ATP11B: variants seen among roughly 807,000 people sequenced by gnomAD.
ATP11B encodes phospholipid-transporting ATPase IF.
A neutral mutation model predicts 157.8 loss-of-function variants in ATP11B; 81 were observed. The observed-to-expected ratio is 0.51, with a 90% CI of 0.43 to 0.62. ATP11B has a LOEUF of 0.62. ATP11B is among the 20% of genes least tolerant of loss of function. ATP11B has a pLI of 0.00. For missense variants in ATP11B, 1,165 were observed against 1,402.2 expected (o/e 0.83, Z 2.70); for synonymous variants, 451 against 469.4 (o/e 0.96, Z 0.51).
intron 1 of ATP11B, among the ~76,000 whole-genome samples, chr3:182,805,501 C>T (rs1246701434): frequency 1.3e-5 from 2 of 151,278 alleles, no homozygotes; most frequent in Non-Finnish European, 2.9e-5. Flanking sequence ...GTTGCCCAGG[C>T]TGGAATGCAA....
chr3:182,829,809 AT>A, intron 4 of ATP11B, 57 bp downstream of exon 4: 1 of 1,444,964 alleles, frequency 6.9e-7, no homozygotes. Context: ...GTTGCTAAAT[AT>A]TTCCACTCCA....
intron 8 of ATP11B, chr3:182,844,571 C>T (rs1719316489): frequency 1.0e-6 from 1 of 984,574 alleles, no homozygotes. Context: ...GCAAGAAGAC[C>T]TGTGCTTCAA....
intron 10 of ATP11B, among the ~76,000 whole-genome samples, chr3:182,856,129 TA>T (rs1439015778): frequency 6.6e-6 from 1 of 152,198 alleles, no homozygotes; most frequent in African/African-American, 2.4e-5. Flanking sequence ...GGAAACAGCC[TA>T]ATGTCCTAGA....
intron 14 of ATP11B, among the ~76,000 whole-genome samples, chr3:182,867,135 G>A (rs1435966171): frequency 1.3e-5 from 2 of 151,516 alleles, no homozygotes; most frequent in Non-Finnish European, 2.9e-5. Context: ...CGCCATGTTA[G>A]CCAGACTGGT....
chr3:182,916,757 T>C (rs1725167698), intron 29 of ATP11B: 1 of 984,860 alleles, frequency 1.0e-6, no homozygotes, highest in African/African-American at 1.7e-5. Flanking sequence ...CTAATAAGAT[T>C]ATTCTGTGTA....
chr3:182,818,440 T>G (rs1310260958), intron 1 of ATP11B, among the ~76,000 whole-genome samples: 1 of 152,218 alleles, frequency 6.6e-6, no homozygotes, highest in African/African-American at 2.4e-5. Context: ...AGACACATAA[T>G]GCTACATTCA....
intron 10 of ATP11B, among the ~76,000 whole-genome samples, chr3:182,850,050 T>C (rs1020978736): frequency 2.0e-5 from 3 of 152,176 alleles, no homozygotes; most frequent in Non-Finnish European, 4.4e-5. Flanking sequence ...ATATAAGCGA[T>C]AACCAGTTCT....
chr3:182,822,058 G>T (rs1244793823), intron 2 of ATP11B, among the ~76,000 whole-genome samples: 1 of 151,856 alleles, frequency 6.6e-6, no homozygotes, highest in African/African-American at 2.4e-5. Flanking sequence ...GTAGGAAGAG[G>T]AGATGTCAGA....
At chr3:182,842,872 C>T (rs764919090) in intron 8 of ATP11B, among the ~76,000 whole-genome samples, 1 of 152,226 alleles carries the variant, frequency 6.6e-6, no homozygotes, top group African/African-American at 2.4e-5. Flanking sequence ...TGCCACATTA[C>T]TAGAATCCCA....
chr3:182,917,261 C>G (rs2108600630), intron 29 of ATP11B: 1 of 985,320 alleles, frequency 1.0e-6, no homozygotes, highest in Middle Eastern at 5.2e-4. Context: ...GAAAAGCAGT[C>G]TTTCACTTGG....
At chr3:182,849,701 G>A (rs1036496962) in intron 10 of ATP11B, among the ~76,000 whole-genome samples, 6 of 152,058 alleles carry the variant, frequency 3.9e-5, no homozygotes, top group Admixed American at 6.5e-5. Context: ...TTACTCAGTC[G>A]AAGAATGGAG....
intron 25 of ATP11B, among the ~76,000 whole-genome samples, chr3:182,894,421 G>C (rs985726399): frequency 1.3e-5 from 2 of 152,076 alleles, no homozygotes; most frequent in African/African-American, 4.8e-5. Context: ...CCCAACCTCA[G>C]GTGATCCGCC....
At chr3:182,845,975 T>C (rs1719487960) in intron 9 of ATP11B, among the ~76,000 whole-genome samples, 1 of 152,198 alleles carries the variant, frequency 6.6e-6, no homozygotes, top group South Asian at 2.1e-4. Context: ...ATACACTGAT[T>C]GGATCAAAAG....
intron 1 of ATP11B, among the ~76,000 whole-genome samples, chr3:182,816,443 C>T (rs1716973268): frequency 6.6e-6 from 1 of 152,186 alleles, no homozygotes; most frequent in Non-Finnish European, 1.5e-5. Flanking sequence ...GTAGCCTTGA[C>T]CTAGTAATTA....
chr3:182,918,168 T>C lies in ATP11B; in HGVS notation c.*64T>C. On this transcript the variant is annotated 3_prime_UTR_variant, in exon 30 of 30. Transcript: ENST00000323116. ...TTCCTAAAATTCAGTGTGATCACCC[T>C]GTTAATGGCCACACTAGCTCTGAAA... The C allele has an allele frequency of 1.2e-6, 2 of 1,603,428 alleles. No homozygotes were observed. Among genetic ancestry groups the C allele is most frequent in the Admixed American group, 1.7e-5 (1 of 58,870 alleles).
Position 182,866,429 on chromosome 3 carries a change from A to T in ATP11B, c.1605A>T (p.Val535=). 1 of 1,605,148 alleles carries T rather than the reference A, an allele frequency of 6.2e-7. No individual in the cohort carries two copies. The highest frequency in any genetic ancestry group is 1.1e-5 in the South Asian group (1 of 89,466). ...CTTCACCAGATGAAAAGGCTCTAGT[A>T]GAAGCTGCTGCAAGGTAATTTAGTC... ...YASSPDEKAL[V]EAAARIGIVF... The change falls in exon 14 of 30, where the codon GTA becomes GTT. Residue 535 remains valine (V), a synonymous_variant. Transcript: ENST00000323116.
chr3:182,837,231 A>G (rs1718625207), intron 7 of ATP11B, 57 bp downstream of exon 7: 12 of 1,227,590 alleles, frequency 9.8e-6, no homozygotes, highest in Middle Eastern at 3.9e-4. Context: ...CCTCATTTTT[A>G]AATAACCATA....
intron 29 of ATP11B, chr3:182,915,809 A>G: frequency 3.1e-6 from 3 of 980,838 alleles, no homozygotes; most frequent in Non-Finnish European, 3.6e-6. Context: ...TCTTGAAGGT[A>G]GCTATTATCA....
At chr3:182,854,243 G>T (rs1720199975) in intron 10 of ATP11B, among the ~76,000 whole-genome samples, 1 of 152,208 alleles carries the variant, frequency 6.6e-6, no homozygotes, top group African/African-American at 2.4e-5. Flanking sequence ...GCCGAGACGG[G>T]CAGATCACCT....
Sources: gnomAD v4.1 joint callset for allele counts (sites outside exome capture counted in the v4.1 genomes callset) on GRCh38, gnomAD v4.1.1 for gene constraint, MANE v1.5 for transcripts, NCBI Gene and HGNC (gene_info 2026-07-23, HGNC 2026-07-21) for gene names.